Variants in KIFC3 observed in about 807,000 individuals in gnomAD.
KIFC3 encodes kinesin family member C3, also known as kinesin-like protein KIFC3.
Under a neutral mutation model 101.8 loss-of-function variants are expected in KIFC3, and 60 were observed. That is an observed-to-expected ratio of 0.59 (90% confidence interval 0.48 to 0.73). The LOEUF (loss-of-function observed/expected upper bound fraction) is 0.73, where lower values mean the gene tolerates loss of function less well. KIFC3 is among the 30% of genes least tolerant of loss of function. The pLI, the probability that KIFC3 is intolerant of heterozygous loss-of-function variation, is 0.00. For missense variants in KIFC3, 966 were observed against 1,137.1 expected, an observed-to-expected ratio of 0.85 and a Z score of 2.16; for synonymous variants, 476 against 482.7, an observed-to-expected ratio of 0.99 and a Z score of 0.18.
chr16:57,826,091 C>T (rs1053324233), intron 1 of KIFC3, among the ~76,000 whole-genome samples: 1 of 152,260 alleles, frequency 6.6e-6, no homozygotes, highest in Non-Finnish European at 1.5e-5. Context: ...TGCCTCCCTC[C>T]TCTGAGGGAA....
At chr16:57,838,349 G>C (rs945105392) in intron 1 of KIFC3, among the ~76,000 whole-genome samples, 1 of 152,136 alleles carries the variant, frequency 6.6e-6, no homozygotes, top group African/African-American at 2.4e-5. Context: ...GGCAGCCCTG[G>C]CTGGGTCCTC....
chr16:57,806,653 C>T (rs1163522669), upstream of KIFC3, among the ~76,000 whole-genome samples: 4 of 152,168 alleles, frequency 2.6e-5, no homozygotes, highest in African/African-American at 9.7e-5. Context: ...AGACTTTCTT[C>T]CCATGTAAAG....
intron 3 of KIFC3, among the ~76,000 whole-genome samples, chr16:57,790,320 G>A (rs1480186903): frequency 2.0e-5 from 3 of 148,472 alleles, no homozygotes; most frequent in Non-Finnish European, 4.4e-5. Context: ...GGGCTCAAGC[G>A]ATCCTCCTGC....
At chr16:57,771,757 G>A (rs782725815) in intron 4 of KIFC3, 71 bp from the exon 5 acceptor site, 42 of 1,526,596 alleles carry the variant, frequency 2.8e-5, no homozygotes, top group African/African-American at 4.1e-5. Context: ...AGAGGCCCGC[G>A]GAGATGGCAC....
chr16:57,767,101 C>T (rs187810609), intron 9 of KIFC3, 116 bp from the exon 10 acceptor site: 152 of 732,548 alleles, frequency 2.1e-4, no homozygotes, highest in East Asian at 7.5e-4. Context: ...ACCTGACACA[C>T]GCTGTCACAT....
In KIFC3 at chr16:57,797,385, G is replaced by A. The variant is rs555062965; in HGVS notation, c.172+687C>T. Among the ~76,000 whole-genome samples, 197 of 152,306 alleles carry A rather than the reference G, an allele frequency of 1.3e-3. 1 individual carries two copies. The highest frequency in any genetic ancestry group is 4.7e-3 in the African/African-American group (195 of 41,576). On this transcript the variant is annotated intron_variant, in intron 2 of 19. Transcript: ENST00000445690. ...GGGAGAGGGTCATGGACAGCTCCGC[G>A]GCCCCGCCAATCCAGTCCCGGCCCT... is the stretch of plus-strand genomic sequence containing the variant.
chr16:57,794,343 A>T (rs551702120), intron 3 of KIFC3, among the ~76,000 whole-genome samples: 35 of 150,562 alleles, frequency 2.3e-4, no homozygotes, highest in African/African-American at 7.8e-4. Context: ...CTCCCACCCC[A>T]GCCTCCTGAG....
intron 3 of KIFC3, among the ~76,000 whole-genome samples, chr16:57,772,779 C>A (rs2051437563): frequency 6.6e-6 from 1 of 152,192 alleles, no homozygotes; most frequent in African/African-American, 2.4e-5. Flanking sequence ...TGGTCTCTGG[C>A]AAGTCAGCCT....
chr16:57,778,147 G>A (rs2052334138), intron 3 of KIFC3, among the ~76,000 whole-genome samples: 1 of 152,198 alleles, frequency 6.6e-6, no homozygotes, highest in South Asian at 2.1e-4. Context: ...GGGCACAGTG[G>A]CACACGCCTG....
At chr16:57,777,465 A>C (rs990632469) in intron 3 of KIFC3, among the ~76,000 whole-genome samples, 4 of 152,252 alleles carry the variant, frequency 2.6e-5, no homozygotes, top group Non-Finnish European at 5.9e-5. Context: ...TCATGCCTGT[A>C]ATCCCAGCAC....
At chr16:57,799,566 TG>T (rs1555624828) in intron 1 of KIFC3, among the ~76,000 whole-genome samples, 1 of 152,158 alleles carries the variant, frequency 6.6e-6, no homozygotes, top group African/African-American at 2.4e-5. Flanking sequence ...GGATGGCTTG[TG>T]GGGTGAACGT....
chr16:57,799,696 C>T (rs1343693177), intron 1 of KIFC3, among the ~76,000 whole-genome samples: 1 of 152,180 alleles, frequency 6.6e-6, no homozygotes, highest in Non-Finnish European at 1.5e-5. Flanking sequence ...ATCATCAAAG[C>T]TTGAGCAAGA....
chr16:57,767,770 C>T (rs1462254777), intron 9 of KIFC3, among the ~76,000 whole-genome samples: 1 of 152,018 alleles, frequency 6.6e-6, no homozygotes, highest in Admixed American at 6.5e-5. Flanking sequence ...CCTCCCAGAC[C>T]CAAGCAATCC....
intron 1 of KIFC3, among the ~76,000 whole-genome samples, chr16:57,817,418 A>G (rs1323333860): frequency 1.3e-5 from 2 of 152,056 alleles, no homozygotes; most frequent in African/African-American, 4.8e-5. Flanking sequence ...ATTCTCTTAC[A>G]GCTCTAGAGG....
intron 1 of KIFC3, chr16:57,862,715 A>G: frequency 8.1e-7 from 1 of 1,233,706 alleles, no homozygotes; most frequent in Non-Finnish European, 1.1e-6. Context: ...GCCCCAACCC[A>G]GCCAGGCCCT....
intron 3 of KIFC3, 55 bp downstream of exon 3, chr16:57,794,944 C>A (rs1555621953): frequency 1.4e-6 from 2 of 1,465,826 alleles, no homozygotes. Context: ...AGGAACCCAG[C>A]CACTGGAGCT....
chr16:57,845,497 C>T (rs547517753), intron 1 of KIFC3, among the ~76,000 whole-genome samples: 2 of 152,296 alleles, frequency 1.3e-5, no homozygotes, highest in East Asian at 3.9e-4. Context: ...CCTCCTATCC[C>T]TCCCAACACC....
At chr16:57,798,428 G>A (rs912361757) in intron 1 of KIFC3, 146 bp from the exon 2 acceptor site, 1 of 717,318 alleles carries the variant, frequency 1.4e-6, no homozygotes. Flanking sequence ...GTCCCCCAAA[G>A]ACCCTAGGGC....
intron 3 of KIFC3, 77 bp from the exon 4 acceptor site, chr16:57,772,365 C>A (rs782647136): frequency 1.6e-6 from 2 of 1,246,424 alleles, no homozygotes; most frequent in Non-Finnish European, 1.2e-6. Context: ...TGCCCAGCAC[C>A]AGGGATGACT....
Sources: gnomAD v4.1 joint callset for allele counts (sites outside exome capture counted in the v4.1 genomes callset) on GRCh38, gnomAD v4.1.1 for gene constraint, MANE v1.5 for transcripts, NCBI Gene and HGNC (gene_info 2026-07-23, HGNC 2026-07-21) for gene names.